Variants in CEP128 observed in about 807,000 individuals in gnomAD.
CEP128 encodes the protein centrosomal protein 128kDa.
In CEP128, 132 loss-of-function variants were observed where a neutral mutation model predicts 156.7. The ratio of observed to expected loss-of-function variants is 0.84; its 90% CI spans 0.73 to 0.97. CEP128 has a LOEUF of 0.97. Ranked by LOEUF, CEP128 falls within the 50% of genes least tolerant of loss-of-function variation. The pLI, the probability that CEP128 is intolerant of heterozygous loss-of-function variation, is 0.00. For missense variants in CEP128, 1,252 were observed against 1,281.9 expected, an observed-to-expected ratio of 0.98 and a Z score of 0.36; for synonymous variants, 469 against 448.9, an observed-to-expected ratio of 1.04 and a Z score of -0.57.
intron 21 of CEP128, among the ~76,000 whole-genome samples, chr14:80,553,370 T>C (rs79545443): frequency 0.022 from 3,323 of 152,210 alleles, 109 homozygotes; most frequent in East Asian, 0.15. Context: ...AGAGGTTCAG[T>C]TTAATATTTT....
chr14:80,664,710 T>A (rs1242897029), intron 19 of CEP128, among the ~76,000 whole-genome samples: 1 of 152,222 alleles, frequency 6.6e-6, no homozygotes, highest in East Asian at 1.9e-4. Flanking sequence ...TGCTTGACTA[T>A]ACTCCATCAC....
intron 19 of CEP128, among the ~76,000 whole-genome samples, chr14:80,633,611 T>G (rs140746821): frequency 5.9e-5 from 9 of 152,352 alleles, no homozygotes; most frequent in African/African-American, 2.2e-4. Flanking sequence ...ATCTGCCTCT[T>G]GCATCCCTAT....
intron 19 of CEP128, among the ~76,000 whole-genome samples, chr14:80,681,190 G>C (rs1045026849): frequency 6.6e-6 from 1 of 151,952 alleles, no homozygotes; most frequent in East Asian, 1.9e-4. Flanking sequence ...ACTCCCTAGC[G>C]AGGAAGGGAA....
intron 19 of CEP128, among the ~76,000 whole-genome samples, chr14:80,619,720 A>AG (rs1325907634): frequency 2.0e-4 from 30 of 151,852 alleles, no homozygotes; most frequent in Non-Finnish European, 3.8e-4. Context: ...AAAAAAAAAA[A>AG]AAAGAAAGAA....
At chr14:80,716,289 G>A (rs1322880192) in intron 19 of CEP128, among the ~76,000 whole-genome samples, 1 of 152,048 alleles carries the variant, frequency 6.6e-6, no homozygotes, top group Non-Finnish European at 1.5e-5. Context: ...TATTCACAGA[G>A]GTGTACAACC....
At position 80,925,543 on chromosome 14, in the gene CEP128, G is replaced by A. The variant is rs191600815; in HGVS notation, c.-15-8981C>T. On this transcript the variant is annotated intron_variant, in intron 2 of 24. Transcript: ENST00000555265. ...TTTAAATATTTCTCCTTTGTAGCTA[G>A]TGTGATGTTAAACTTTGTCATAGAA... Among the ~76,000 whole-genome samples the A allele has an allele frequency of 1.4e-4, 21 of 152,124 alleles. No homozygotes were observed. The East Asian group carries it at 3.9e-3, about 28-fold the overall frequency.
chr14:80,606,184 T>C (rs1275580640), intron 19 of CEP128, among the ~76,000 whole-genome samples: 2 of 152,234 alleles, frequency 1.3e-5, no homozygotes, highest in South Asian at 2.1e-4. Context: ...TAACAAATTG[T>C]CATATTAACA....
intron 9 of CEP128, among the ~76,000 whole-genome samples, chr14:80,858,219 C>T (rs1887308869): frequency 6.9e-6 from 1 of 143,946 alleles, no homozygotes; most frequent in Middle Eastern, 3.5e-3. Context: ...TGGAACAGAA[C>T]AGAGCCCTCA....
chr14:80,796,765 G>A (rs1368546754), intron 13 of CEP128, among the ~76,000 whole-genome samples: 1 of 152,114 alleles, frequency 6.6e-6, no homozygotes, highest in Non-Finnish European at 1.5e-5. Context: ...ACATTCAGAA[G>A]CCATACTAAC....
chr14:80,896,076 T>C (rs1889338684), intron 7 of CEP128, among the ~76,000 whole-genome samples: 1 of 152,080 alleles, frequency 6.6e-6, no homozygotes, highest in African/African-American at 2.4e-5. Flanking sequence ...AGACCAAACT[T>C]TGAGAACCGC....
intron 19 of CEP128, among the ~76,000 whole-genome samples, chr14:80,730,783 T>A (rs1202071054): frequency 1.3e-5 from 2 of 152,316 alleles, no homozygotes; most frequent in South Asian, 4.1e-4. Context: ...AAAGTAGTTA[T>A]CACTTTCATA....
At chr14:80,812,249 G>C (rs111895976) in intron 13 of CEP128, among the ~76,000 whole-genome samples, 4 of 152,276 alleles carry the variant, frequency 2.6e-5, no homozygotes, top group African/African-American at 9.6e-5. Context: ...TAGTTTTATG[G>C]CTGTGTAGTA....
chr14:80,625,138 C>T (rs78782903), intron 19 of CEP128, among the ~76,000 whole-genome samples: 18,212 of 152,178 alleles, frequency 0.12, 1,744 homozygotes, highest in African/African-American at 0.26. Context: ...TATTCTTTCA[C>T]ATATGGATAC....
intron 21 of CEP128, among the ~76,000 whole-genome samples, chr14:80,558,578 G>A (rs145181973): frequency 0.028 from 4,291 of 151,984 alleles, 214 homozygotes; most frequent in African/African-American, 0.098. Context: ...GTGAGCCACC[G>A]CGCCTGGCCA....
intron 21 of CEP128, among the ~76,000 whole-genome samples, chr14:80,539,903 C>T (rs939676750): frequency 1.1e-4 from 16 of 152,082 alleles, no homozygotes; most frequent in African/African-American, 3.4e-4. Context: ...GACTGAGATA[C>T]GCCCTGGTCT....
chr14:80,489,907 CA>C (rs34425331), downstream of CEP128, among the ~76,000 whole-genome samples: 37,748 of 131,256 alleles, frequency 0.29, 4,970 homozygotes, highest in Admixed American at 0.37. Context: ...GTTTTATCAC[CA>C]AAAAAAAAAA....
chr14:80,644,972 G>GA (rs1894574920), intron 19 of CEP128, among the ~76,000 whole-genome samples: 1 of 152,058 alleles, frequency 6.6e-6, no homozygotes, highest in African/African-American at 2.4e-5. Flanking sequence ...AAAAATGAGA[G>GA]AAAAATAGCA....
At chr14:80,678,064 G>GTATATATATATATATATGTA (rs1274703937) in intron 19 of CEP128, among the ~76,000 whole-genome samples, 6 of 27,446 alleles carry the variant, frequency 2.2e-4, no homozygotes, top group African/African-American at 5.6e-4. Flanking sequence ...ATATATATAT[G>GTATATATATATATATATGTA]TATATATATA....
intron 9 of CEP128, among the ~76,000 whole-genome samples, chr14:80,843,933 AT>A (rs1348367426): frequency 1.3e-5 from 2 of 149,622 alleles, no homozygotes; most frequent in African/African-American, 5.1e-5. Flanking sequence ...AATAATACAT[AT>A]TTTTAAAAGG....
Sources: allele counts gnomAD v4.1 joint callset (sites outside exome capture counted in the v4.1 genomes callset), GRCh38; gene constraint gnomAD v4.1.1; transcripts MANE v1.5; gene names NCBI Gene and HGNC (gene_info 2026-07-23, HGNC 2026-07-21).